The following MMP16 variants were observed in gnomAD, a reference collection of about 807,000 sequenced individuals.
MMP16 encodes the protein matrix metalloproteinase-16.
Under a neutral mutation model 67.8 loss-of-function variants are expected in MMP16, and 12 were observed. The ratio of observed to expected loss-of-function variants is 0.18; its 90% CI spans 0.11 to 0.29. The LOEUF (loss-of-function observed/expected upper bound fraction) is 0.29, where lower values mean the gene tolerates loss of function less well. Among genes scored for constraint, MMP16 ranks in the 10% least tolerant of loss-of-function variants. MMP16 has a pLI of 1.00. For synonymous variants in MMP16, 249 were observed against 255.9 expected (o/e 0.97, Z 0.26); for missense variants, 475 against 765.7 (o/e 0.62, Z 4.48).
At chr8:88,306,134 A>C (rs1409777664) in intron 1 of MMP16, among the ~76,000 whole-genome samples, 3 of 152,044 alleles carry the variant, frequency 2.0e-5, no homozygotes, top group Non-Finnish European at 2.9e-5. Flanking sequence ...AAATACAAAC[A>C]ACCATGAGAG....
intron 2 of MMP16, among the ~76,000 whole-genome samples, chr8:88,190,368 C>T (rs1306307353): frequency 6.6e-5 from 10 of 152,120 alleles, no homozygotes; most frequent in Admixed American, 6.5e-4. Flanking sequence ...GGTCTTCAGG[C>T]TTTTGTATGT....
rs1808079421 is a variant in MMP16, at chr8:88,038,134, TAGAAG to T, written c.*3322_*3326del. ...TGAGACTTTTTTCCCAAACCTCATG[TAGAAG>T]AGGAGTCAGGAACCATACCCACAAA... On this transcript the variant is annotated 3_prime_UTR_variant, in exon 10 of 10. Coordinates refer to ENST00000286614, the MANE Select transcript of MMP16 (RefSeq NM_005941.5). This position sits in a 1 kb window ranked among gnomAD's most constrained non-coding sequence, Gnocchi z 4.1. The T allele has an allele frequency of 6.6e-6, 1 of 152,020 alleles. No individual in the cohort carries two copies. Among genetic ancestry groups the T allele is most frequent in the African/African-American group, 2.4e-5 (1 of 41,440 alleles). 9.4% of individuals were successfully genotyped at this position (152,020 alleles called of 1,614,324 possible).
chr8:88,043,608 C>A (rs1808161778), intron 9 of MMP16, among the ~76,000 whole-genome samples: 1 of 152,168 alleles, frequency 6.6e-6, no homozygotes. Context: ...ACTCTGACAT[C>A]TCTCAAGAAA....
chr8:88,130,407 CTTTA>C (rs1808008612), intron 4 of MMP16, among the ~76,000 whole-genome samples: 1 of 151,320 alleles, frequency 6.6e-6, no homozygotes, highest in Non-Finnish European at 1.5e-5. Context: ...TATCTGCTTT[CTTTA>C]GTTTGGATTT....
intron 4 of MMP16, among the ~76,000 whole-genome samples, chr8:88,130,112 T>C (rs1808002258): frequency 6.6e-6 from 1 of 151,812 alleles, no homozygotes; most frequent in African/African-American, 2.4e-5. Flanking sequence ...ATCAATGTAA[T>C]ACATGTAAAG....
At chr8:88,080,102 T>C (rs932094027) in intron 6 of MMP16, among the ~76,000 whole-genome samples, 1 of 152,182 alleles carries the variant, frequency 6.6e-6, no homozygotes, top group Non-Finnish European at 1.5e-5. Flanking sequence ...CCTACTCCAC[T>C]GTATGATATG....
chr8:88,240,744 C>T (rs1810020648), intron 1 of MMP16, among the ~76,000 whole-genome samples: 1 of 152,044 alleles, frequency 6.6e-6, no homozygotes, highest in Admixed American at 6.6e-5. Context: ...TAAAGGTGAT[C>T]AAAATATCCT....
At chr8:88,101,412 A>G (rs1809142937) in intron 6 of MMP16, among the ~76,000 whole-genome samples, 1 of 151,920 alleles carries the variant, frequency 6.6e-6, no homozygotes, top group Non-Finnish European at 1.5e-5. Context: ...GTAACTGCAA[A>G]TGCAGCTGCT....
Position 88,197,275 on chromosome 8 carries a change from G to C in MMP16, c.164C>G (p.Pro55Arg), listed in dbSNP as rs765641487. The C allele has an allele frequency of 1.3e-6, 2 of 1,583,092 alleles. No individual in the cohort carries two copies. ...CAGCACTGACATTCTGGGGTCAGTC[G>C]GTGGAAGGTAGCCGTACTTTTGTAA... ...VWLQKYGYLP[P>R]TDPRMSVLRS... Residue 55 changes from proline to arginine, a missense_variant, in exon 2 of 10, where the codon CCG becomes CGG. Physicochemically the swap from Pro to Arg is moderately radical, Grantham distance 103. This residue lies in a region of MMP16 where 170 missense variants were observed against 239.6 expected (regional missense o/e 0.71). Coordinates refer to ENST00000286614, the MANE Select transcript of MMP16 (RefSeq NM_005941.5).
At chr8:88,153,074 GACAA>G (rs1409136452) in intron 4 of MMP16, among the ~76,000 whole-genome samples, 6 of 135,400 alleles carry the variant, frequency 4.4e-5, no homozygotes, top group South Asian at 5.3e-4. Flanking sequence ...ACCAGCAACA[GACAA>G]ACAGAGAGCC....
intron 1 of MMP16, among the ~76,000 whole-genome samples, chr8:88,210,517 G>A (rs956564518): frequency 1.1e-4 from 16 of 151,952 alleles, no homozygotes; most frequent in African/African-American, 2.7e-4. Flanking sequence ...TTTACTACCC[G>A]GTTATTTACC....
At chr8:88,129,734 T>A (rs147741460) in intron 4 of MMP16, among the ~76,000 whole-genome samples, 1 of 151,618 alleles carries the variant, frequency 6.6e-6, no homozygotes, top group African/African-American at 2.4e-5. Flanking sequence ...AAAATGAGTA[T>A]ACAAAATATA....
At chr8:88,206,645 C>T (rs1041702056) in intron 1 of MMP16, among the ~76,000 whole-genome samples, 6 of 152,170 alleles carry the variant, frequency 3.9e-5, no homozygotes, top group African/African-American at 7.2e-5. Flanking sequence ...TTTTATTAAT[C>T]TTAAATGTTA....
chr8:88,130,937 C>T (rs573321055), intron 4 of MMP16, among the ~76,000 whole-genome samples: 2 of 151,566 alleles, frequency 1.3e-5, no homozygotes, highest in Non-Finnish European at 2.9e-5. Context: ...GAAATATTGA[C>T]TCAAAAAAAG....
chr8:88,319,656 G>T (rs955318631), intron 1 of MMP16, among the ~76,000 whole-genome samples: 2 of 152,074 alleles, frequency 1.3e-5, no homozygotes, highest in Middle Eastern at 3.2e-3. Flanking sequence ...TCCATCAGCC[G>T]CATGCAGAGG....
intron 1 of MMP16, among the ~76,000 whole-genome samples, chr8:88,237,872 G>A (rs1267632603): frequency 6.6e-6 from 1 of 152,098 alleles, no homozygotes; most frequent in South Asian, 2.1e-4. Flanking sequence ...GAAATGATTT[G>A]TGTGCTTATG....
intron 3 of MMP16, among the ~76,000 whole-genome samples, chr8:88,184,772 AAAAAAAGAAAAG>A (rs1809045721): frequency 7.4e-6 from 1 of 135,764 alleles, no homozygotes; most frequent in Non-Finnish European, 1.6e-5. Flanking sequence ...AAAAAAAAAA[AAAAAAAGAAAAG>A]AAAAAAGAAT....
At chr8:88,247,837 GGAATCTGGCT>G (rs1810143978) in intron 1 of MMP16, among the ~76,000 whole-genome samples, 3 of 151,904 alleles carry the variant, frequency 2.0e-5, no homozygotes, top group African/African-American at 7.3e-5. Context: ...ACAGTGTAGG[GGAATCTGGCT>G]GATCTTGTAC....
At chr8:88,199,771 C>T (rs558381073) in intron 1 of MMP16, among the ~76,000 whole-genome samples, 32 of 152,020 alleles carry the variant, frequency 2.1e-4, no homozygotes, top group African/African-American at 4.3e-4. Context: ...ATACCATACC[C>T]TTCCATCCTC....
Sources: gnomAD v4.1 joint callset for allele counts (sites outside exome capture counted in the v4.1 genomes callset) on GRCh38, gnomAD v4.1.1 for gene constraint, gnomAD v4.1.1 regional missense constraint, Gnocchi (gnomAD v3.1) non-coding constraint, MANE v1.5 for transcripts, NCBI Gene and HGNC (gene_info 2026-07-23, HGNC 2026-07-21) for gene names.